The following DMD variants were observed in gnomAD, a reference collection of about 807,000 sequenced individuals.
DMD encodes the protein dystrophin.
In DMD, 63 loss-of-function variants were observed where a neutral mutation model predicts 330.1. The ratio of observed to expected loss-of-function variants is 0.19; its 90% CI spans 0.16 to 0.24. The LOEUF (loss-of-function observed/expected upper bound fraction) is 0.24. DMD is among the 10% of genes least tolerant of loss of function. The probability of loss-of-function intolerance (pLI) is 1.00; values close to 1 mark genes in which losing one functional copy is unlikely to be tolerated. For missense variants in DMD, 3,344 were observed against 2,684.1 expected (o/e 1.25, Z -5.43); for synonymous variants, 1,223 against 959.8 (o/e 1.27, Z -5.07).
At chrX:32,384,144 C>T (rs755718720) in intron 33 of DMD, among the ~76,000 whole-genome samples, 3 of 110,024 alleles carry the variant, frequency 2.7e-5, no homozygotes, top group South Asian at 7.5e-4. Flanking sequence ...CAATATATCT[C>T]CAGAACTGAA....
chrX:32,737,303 C>T (rs2068645007), intron 7 of DMD, among the ~76,000 whole-genome samples: 2 of 111,116 alleles, frequency 1.8e-5, no homozygotes, highest in African/African-American at 6.5e-5. Context: ...TTACCTTGAA[C>T]ACAAAGTAAT....
chrX:31,185,035 A>G (rs2148360773), intron 67 of DMD, among the ~76,000 whole-genome samples: 1 of 104,711 alleles, frequency 9.6e-6, no homozygotes, highest in Non-Finnish European at 2.0e-5. Flanking sequence ...TAGTGGGTGC[A>G]GCACACCAGC....
intron 30 of DMD, among the ~76,000 whole-genome samples, chrX:32,396,458 A>G (rs890192715): frequency 5.4e-5 from 6 of 111,414 alleles, no homozygotes; most frequent in African/African-American, 1.6e-4. Context: ...TTATGCATTG[A>G]GTAGATTATG....
intron 30 of DMD, among the ~76,000 whole-genome samples, chrX:32,408,155 C>A (rs1032824721): frequency 6.3e-5 from 7 of 111,681 alleles, no homozygotes; most frequent in Non-Finnish European, 1.1e-4. Context: ...TAAGTGTTAT[C>A]TTTTGAAATA....
In DMD at chrX:31,968,319, T is replaced by G; in HGVS notation, c.6614+20A>C. 8.3e-7 allele frequency: 1 copy of G among 1,207,596 alleles called. No homozygotes were observed. Among genetic ancestry groups the G allele is most frequent in the Non-Finnish European group, 1.1e-6 (1 of 891,843 alleles). ...AAGTCTGCTAAAATGTTTTCATTCC[T>G]ATTAGATCTGTCGCCCTACCTCTTT... On this transcript the variant is annotated intron_variant, in intron 45 of 78. Coordinates refer to ENST00000357033, the MANE Select transcript of DMD (RefSeq NM_004006.3).
intron 7 of DMD, among the ~76,000 whole-genome samples, chrX:32,734,755 G>A (rs1437801248): frequency 9.2e-6 from 1 of 108,914 alleles, no homozygotes; most frequent in African/African-American, 3.5e-5. Flanking sequence ...GGTATTGACG[G>A]GACATATTTC....
intron 47 of DMD, among the ~76,000 whole-genome samples, chrX:31,907,436 A>G (rs2094491562): frequency 8.9e-6 from 1 of 111,790 alleles, no homozygotes; most frequent in African/African-American, 3.3e-5. Flanking sequence ...GATCTTTGAC[A>G]AACCTGACAA....
intron 7 of DMD, among the ~76,000 whole-genome samples, chrX:32,799,354 C>A (rs1233930226): frequency 9.0e-6 from 1 of 111,200 alleles, no homozygotes; most frequent in Non-Finnish European, 1.9e-5. Context: ...CTTTTTTGGT[C>A]AAATTTGACT....
intron 18 of DMD, chrX:32,517,488 AC>A (rs748120648): frequency 8.8e-6 from 1 of 113,214 alleles, no homozygotes; most frequent in Non-Finnish European, 1.9e-5. Context: ...AAGGCTGGAC[AC>A]CTTTTAGATA....
chrX:33,310,078 G>A (rs1202493198), intron 1 of DMD, among the ~76,000 whole-genome samples: 1 of 110,943 alleles, frequency 9.0e-6, no homozygotes. Context: ...TACTGAAAAG[G>A]TGTATGAATT....
intron 7 of DMD, among the ~76,000 whole-genome samples, chrX:32,717,214 G>A (rs998140710): frequency 2.1e-4 from 23 of 111,454 alleles, no homozygotes; most frequent in African/African-American, 7.5e-4. Context: ...ACCCTTTGCA[G>A]CAGCCCCTCC....
At chrX:33,258,236 T>C (rs1487491317) in intron 1 of DMD, among the ~76,000 whole-genome samples, 2 of 111,604 alleles carry the variant, frequency 1.8e-5, no homozygotes, top group Non-Finnish European at 3.8e-5. Flanking sequence ...TGAGTAACTG[T>C]ACTGTCATCC....
chrX:32,684,010 C>T (rs867924088), intron 9 of DMD, among the ~76,000 whole-genome samples: 1 of 78,789 alleles, frequency 1.3e-5, no homozygotes, highest in Non-Finnish European at 2.0e-5. Flanking sequence ...CACACACACA[C>T]ACATACATAC....
rs2036712400 is a variant in DMD at position 31,146,480 on chromosome X, A to T, written c.10798-66T>A. 3 of 1,088,091 alleles carry T rather than the reference A, an allele frequency of 2.8e-6. No homozygotes were observed. In the African/African-American group the frequency reaches 5.5e-5, roughly 20 times the overall value. The allele number at this position is 1,088,091 out of a possible 1,213,427, so 89.7% of individuals were successfully genotyped here. A position where few individuals can be genotyped will look rare whatever the true frequency, so the allele number is the denominator to read the frequency against. On this transcript the variant is annotated intron_variant, in intron 75 of 78. Transcript: ENST00000357033. ...AACATACAAATGTATAAATTTCAAAATATGATACACACTCAGGACTCATAA... is the reference window on the plus strand; with the variant it reads ...AACATACAAATGTATAAATTTCAAATTATGATACACACTCAGGACTCATAA...
At chrX:32,487,272 A>G (rs1224607680) in intron 20 of DMD, among the ~76,000 whole-genome samples, 2 of 111,999 alleles carry the variant, frequency 1.8e-5, no homozygotes, top group Non-Finnish European at 3.8e-5. Flanking sequence ...TACATATATA[A>G]TTTGAACTCA....
chrX:31,121,627 T>C lies in DMD; in HGVS notation c.*292A>G. 2.8e-6 allele frequency: 1 copy of C among 356,863 alleles called. No individual in the cohort carries two copies. Among genetic ancestry groups the C allele is most frequent in the East Asian group, 4.4e-5 (1 of 22,866 alleles). The allele number at this position is 356,863 out of a possible 1,213,427, so 29.4% of individuals were successfully genotyped here. A position where few individuals can be genotyped will look rare whatever the true frequency, so the allele number is the denominator to read the frequency against. On this transcript the variant is annotated 3_prime_UTR_variant, in exon 79 of 79. Transcript: ENST00000357033. ...CAAGATTTTACATGTAGTTTTCTTA[T>C]AACTTTTTTGTACAATTGCATAGAC...
At chrX:31,265,139 G>A (rs182858186) in intron 62 of DMD, among the ~76,000 whole-genome samples, 3 of 112,078 alleles carry the variant, frequency 2.7e-5, no homozygotes, top group South Asian at 3.7e-4. Context: ...AAAAGGGAGC[G>A]TTCTCTTGCG....
intron 43 of DMD, among the ~76,000 whole-genome samples, chrX:32,217,706 G>A (rs1348202019): frequency 9.1e-6 from 1 of 110,238 alleles, no homozygotes; most frequent in African/African-American, 3.3e-5. Flanking sequence ...AACCTGATTT[G>A]ATCATTACAC....
At chrX:33,275,863 T>C (rs1277375652) in intron 1 of DMD, among the ~76,000 whole-genome samples, 2 of 111,989 alleles carry the variant, frequency 1.8e-5, no homozygotes, top group Non-Finnish European at 1.9e-5. Flanking sequence ...ATATATTCCA[T>C]ATATGCATGC....
Sources: gnomAD v4.1 joint callset for allele counts (sites outside exome capture counted in the v4.1 genomes callset) on GRCh38, gnomAD v4.1.1 for gene constraint, MANE v1.5 for transcripts, NCBI Gene and HGNC (gene_info 2026-07-23, HGNC 2026-07-21) for gene names.